AGBL1: variants seen among roughly 807,000 people sequenced by gnomAD.
AGBL1 encodes the protein AGBL carboxypeptidase 1.
AGBL1 carries 130 observed loss-of-function variants against 118.9 expected under a neutral mutation model. That is an observed-to-expected ratio of 1.09 (90% confidence interval 0.95 to 1.26). The LOEUF (loss-of-function observed/expected upper bound fraction) is 1.26, where lower values mean the gene tolerates loss of function less well. Among genes scored for constraint, AGBL1 ranks in the 50% most tolerant of loss-of-function variants. The pLI is 0.00. For synonymous variants in AGBL1, 555 were observed against 478.9 expected, an observed-to-expected ratio of 1.16 and a Z score of -2.08; for missense variants, 1,584 against 1,298.1, an observed-to-expected ratio of 1.22 and a Z score of -3.38.
chr15:86,529,789 C>T (rs1360372793), intron 19 of AGBL1, among the ~76,000 whole-genome samples: 1 of 151,784 alleles, frequency 6.6e-6, no homozygotes, highest in Non-Finnish European at 1.5e-5. Context: ...CCAGAAGAGA[C>T]TGGGGGCCAA....
At chr15:86,988,996 CTTTT>C (rs762271338) in intron 24 of AGBL1, among the ~76,000 whole-genome samples, 2 of 114,348 alleles carry the variant, frequency 1.7e-5, no homozygotes, top group African/African-American at 3.3e-5. Context: ...TTTCCCCCTG[CTTTT>C]TTTTTTTTTT....
chr15:86,242,281 A>T (rs1386271676), intron 6 of AGBL1, among the ~76,000 whole-genome samples: 2 of 152,232 alleles, frequency 1.3e-5, no homozygotes, highest in African/African-American at 4.8e-5. Context: ...ATAAAAAAAA[A>T]ATAGATGATG....
chr15:86,671,351 C>T (rs140717103), intron 21 of AGBL1, among the ~76,000 whole-genome samples: 2 of 152,268 alleles, frequency 1.3e-5, no homozygotes, highest in Non-Finnish European at 2.9e-5. Flanking sequence ...CATGAACCTT[C>T]TACCTTTTCC....
In AGBL1 at chr15:86,412,945, GA is replaced by G. The variant is rs1446542306; in HGVS notation, c.2555+15405del. Among the ~76,000 whole-genome samples, 4 of 152,030 alleles carry G rather than the reference GA, an allele frequency of 2.6e-5. 1 individual carries two copies. The South Asian group carries it at 8.3e-4, about 32-fold the overall frequency. On this transcript the variant is annotated intron_variant, in intron 18 of 22. Transcript: ENST00000614907. ...TTAATAATATCTTGACTTTACTAAT[GA>G]AAAAAGTAATATTTTAAGAGCAAAA...
At chr15:86,178,768 A>G (rs1369204980) in intron 5 of AGBL1, among the ~76,000 whole-genome samples, 1 of 152,244 alleles carries the variant, frequency 6.6e-6, no homozygotes, top group Non-Finnish European at 1.5e-5. Context: ...AAAGCAGGCA[A>G]AGACTTTACA....
In AGBL1 at chr15:86,955,099, A is replaced by G. The variant is rs112914415; in HGVS notation, c.3222-32888A>G. Among the ~76,000 whole-genome samples, 941 of 152,224 alleles carry G rather than the reference A, an allele frequency of 6.2e-3. 7 individuals are homozygous for G. The highest frequency in any genetic ancestry group is 0.011 in the Admixed American group (166 of 15,278). The stretch of plus-strand genomic sequence containing the variant: ...TGGCTGTCGTACATTTCACTATTGC[A>G]TATTTTAGAAACCCTGCAATTTCAT... On this transcript the variant is annotated intron_variant, in intron 23 of 24. Transcript: ENST00000441037.
intron 18 of AGBL1, among the ~76,000 whole-genome samples, chr15:86,460,948 G>A (rs1639362737): frequency 1.3e-5 from 2 of 152,168 alleles, no homozygotes; most frequent in South Asian, 4.1e-4. Flanking sequence ...ACCCATGTGA[G>A]AGAACTGGCG....
At chr15:86,986,654 A>G (rs117890644) in intron 23 of AGBL1, among the ~76,000 whole-genome samples, 3,352 of 152,224 alleles carry the variant, frequency 0.022, 49 homozygotes, top group Non-Finnish European at 0.034. Flanking sequence ...GTTTGAGAGA[A>G]CCTTACTAAT....
intron 18 of AGBL1, among the ~76,000 whole-genome samples, chr15:86,419,509 G>A (rs1240703522): frequency 1.3e-5 from 2 of 151,888 alleles, no homozygotes; most frequent in Non-Finnish European, 2.9e-5. Context: ...AAGGCCCTGG[G>A]TTTCAAGCAC....
At position 86,428,818 on chromosome 15, in the gene AGBL1, C is replaced by T. The variant is rs190896790; in HGVS notation, c.2555+31272C>T. On this transcript the variant is annotated intron_variant, in intron 18 of 22. Transcript: ENST00000614907. ...CAAAAGCAAAGGAATACATGAAACC[C>T]TTTCTTGCTTTGTGAGTAAATAACT... 2.3e-3 allele frequency among the ~76,000 whole-genome samples: 347 copies of T among 152,280 alleles called. 1 individual carries two copies. Among genetic ancestry groups the T allele is most frequent in the African/African-American group, 7.8e-3 (326 of 41,564 alleles).
At chr15:86,776,071 A>G (rs895146413) in intron 22 of AGBL1, among the ~76,000 whole-genome samples, 3 of 152,288 alleles carry the variant, frequency 2.0e-5, no homozygotes, top group East Asian at 1.9e-4. Flanking sequence ...ATGATTGTTC[A>G]GTGGTCATCA....
chr15:86,212,590 C>T (rs913496623), intron 5 of AGBL1, among the ~76,000 whole-genome samples: 1 of 152,106 alleles, frequency 6.6e-6, no homozygotes, highest in Non-Finnish European at 1.5e-5. Context: ...AGATTATAGC[C>T]CATGTTGAAC....
chr15:86,527,946 T>C (rs960443787), intron 19 of AGBL1, among the ~76,000 whole-genome samples: 27 of 152,194 alleles, frequency 1.8e-4, no homozygotes, highest in Non-Finnish European at 3.2e-4. Context: ...CATCCATTCA[T>C]CCATCCAACC....
At chr15:86,794,314 CA>C (rs976578167) in intron 22 of AGBL1, among the ~76,000 whole-genome samples, 11 of 152,070 alleles carry the variant, frequency 7.2e-5, no homozygotes, top group Non-Finnish European at 1.0e-4. Flanking sequence ...GGGTGAACCT[CA>C]AAACCATTAT....
At chr15:86,114,679 G>C (rs1476089129) in intron 1 of AGBL1, among the ~76,000 whole-genome samples, 2 of 152,184 alleles carry the variant, frequency 1.3e-5, no homozygotes, top group Admixed American at 6.5e-5. Context: ...TGTAGGCCTT[G>C]CTGGCTTAAG....
rs75489771 is a variant in AGBL1, at chr15:86,908,182, A to G, written c.*888A>G. 754 of 152,328 alleles carry G rather than the reference A, an allele frequency of 4.9e-3. 8 individuals are homozygous for G. Among genetic ancestry groups the G allele is most frequent in the African/African-American group, 0.017 (716 of 41,568 alleles). 9.4% of individuals were successfully genotyped at this position (152,328 alleles called of 1,614,324 possible). ...TATCATAAAATTATTGTAGGATGAA[A>G]TGAGATGATATATAAAAGTGTATAG... On this transcript the variant is annotated 3_prime_UTR_variant, in exon 23 of 23. Transcript: ENST00000614907.
rs149108045 is a variant in AGBL1 at position 86,355,281 on chromosome 15, C to T, written c.2375-42085C>T. On this transcript the variant is annotated intron_variant, in intron 17 of 22. Transcript: ENST00000614907. Reference sequence around the variant, plus strand: ...TGTTCTTCTTTAGTGTGGGAACATACGCAGATATTTCAGGAAAAGTATCAT... The same window carrying T: ...TGTTCTTCTTTAGTGTGGGAACATATGCAGATATTTCAGGAAAAGTATCAT... 1.1e-3 allele frequency among the ~76,000 whole-genome samples: 163 copies of T among 152,226 alleles called. 1 individual carries two copies. The highest frequency in any genetic ancestry group is 2.9e-3 in the African/African-American group (122 of 41,536).
intron 5 of AGBL1, among the ~76,000 whole-genome samples, chr15:86,198,289 A>G (rs765441895): frequency 6.6e-6 from 1 of 152,172 alleles, no homozygotes. Flanking sequence ...GCTCACAGCT[A>G]TGGAGAAATT....
At chr15:86,704,412 A>G (rs2086412654) in intron 22 of AGBL1, among the ~76,000 whole-genome samples, 1 of 152,220 alleles carries the variant, frequency 6.6e-6, no homozygotes, top group African/African-American at 2.4e-5. Context: ...AATATCCAGA[A>G]TCTACAAGGA....
Sources: gnomAD v4.1 joint callset for allele counts (sites outside exome capture counted in the v4.1 genomes callset) on GRCh38, gnomAD v4.1.1 for gene constraint, MANE v1.5 for transcripts, NCBI Gene and HGNC (gene_info 2026-07-23, HGNC 2026-07-21) for gene names.